The following DAB1 variants were observed in gnomAD, a reference collection of about 807,000 sequenced individuals.
DAB1 encodes the protein disabled homolog 1.
In DAB1, 15 loss-of-function variants were observed where a neutral mutation model predicts 64.6. The observed-to-expected ratio is 0.23, with a 90% CI of 0.16 to 0.36. DAB1 has a LOEUF of 0.36. Among genes scored for constraint, DAB1 ranks in the 10% least tolerant of loss-of-function variants. The probability of loss-of-function intolerance (pLI) is 1.00; values close to 1 mark genes in which losing one functional copy is unlikely to be tolerated. For missense variants in DAB1, 596 were observed against 706.7 expected, an observed-to-expected ratio of 0.84 and a Z score of 1.78; for synonymous variants, 235 against 251.9, an observed-to-expected ratio of 0.93 and a Z score of 0.64.
chr1:57,362,274 G>A (rs771517397), intron 1 of DAB1, among the ~76,000 whole-genome samples: 11 of 152,126 alleles, frequency 7.2e-5, no homozygotes, highest in Non-Finnish European at 1.2e-4. Flanking sequence ...ATTAAGCCAT[G>A]TGGAGTCCTT....
At chr1:57,167,823 T>G (rs7533282) in intron 2 of DAB1, among the ~76,000 whole-genome samples, 28,113 of 152,142 alleles carry the variant, frequency 0.18, 4,190 homozygotes, top group African/African-American at 0.41. Context: ...CTCAGCATAT[T>G]GTGCAGTGAC....
intron 2 of DAB1, among the ~76,000 whole-genome samples, chr1:57,202,685 T>A (rs536993237): frequency 2.0e-5 from 3 of 152,322 alleles, no homozygotes; most frequent in African/African-American, 7.2e-5. Context: ...CATTTTCACA[T>A]CCATCCATTA....
chr1:58,295,889 G>A (rs1398037520), intron 4 of DAB1, among the ~76,000 whole-genome samples: 2 of 151,808 alleles, frequency 1.3e-5, no homozygotes, highest in South Asian at 4.2e-4. Context: ...TCAGGGGGTC[G>A]AGACCAGCCT....
At chr1:57,872,747 G>A (rs146348779) in intron 1 of DAB1, among the ~76,000 whole-genome samples, 2 of 152,214 alleles carry the variant, frequency 1.3e-5, no homozygotes, top group Non-Finnish European at 2.9e-5. Flanking sequence ...CCTCACTGAC[G>A]GGAGTGTGAA....
At chr1:58,229,503 A>G (rs1413800224) in intron 4 of DAB1, among the ~76,000 whole-genome samples, 1 of 152,178 alleles carries the variant, frequency 6.6e-6, no homozygotes, top group Non-Finnish European at 1.5e-5. Flanking sequence ...AGGACCTCAC[A>G]GAGTGATAAG....
intron 3 of DAB1, among the ~76,000 whole-genome samples, chr1:58,362,212 C>A (rs1012391561): frequency 1.3e-5 from 2 of 152,120 alleles, no homozygotes; most frequent in Non-Finnish European, 2.9e-5. Context: ...TATTTAAATT[C>A]CCTGGCCCTG....
At chr1:58,124,161 G>C (rs907084114) in intron 5 of DAB1, among the ~76,000 whole-genome samples, 2 of 151,254 alleles carry the variant, frequency 1.3e-5, no homozygotes, top group Admixed American at 1.3e-4. Context: ...GAATAAAATA[G>C]TTGCTATCAG....
chr1:57,668,551 G>T (rs1447364544), intron 6 of DAB1, among the ~76,000 whole-genome samples: 1 of 152,112 alleles, frequency 6.6e-6, no homozygotes, highest in Non-Finnish European at 1.5e-5. Flanking sequence ...TAAATCTTAA[G>T]TGGGGGAGTG....
chr1:58,426,227 G>A (rs1395853555), intron 3 of DAB1, among the ~76,000 whole-genome samples: 2 of 152,156 alleles, frequency 1.3e-5, no homozygotes, highest in African/African-American at 2.4e-5. Flanking sequence ...GACTCAGACA[G>A]TTTCTTGATC....
At chr1:58,431,989 A>C (rs1013475678) in intron 3 of DAB1, among the ~76,000 whole-genome samples, 15 of 152,212 alleles carry the variant, frequency 9.9e-5, no homozygotes, top group African/African-American at 3.4e-4. Flanking sequence ...GCTTGAACAT[A>C]GATTTCTCAG....
intron 5 of DAB1, among the ~76,000 whole-genome samples, chr1:58,052,911 A>G (rs1205053081): frequency 6.6e-6 from 1 of 152,202 alleles, no homozygotes; most frequent in Non-Finnish European, 1.5e-5. Context: ...TAGTGCCAAC[A>G]TCTGCTTTTG....
chr1:57,733,706 T>C (rs1647545413), intron 6 of DAB1, among the ~76,000 whole-genome samples: 2 of 151,998 alleles, frequency 1.3e-5, no homozygotes, highest in South Asian at 4.2e-4. Flanking sequence ...AATGTTAACA[T>C]AGAGGAAGCC....
rs117516541 is a variant in DAB1, at chr1:58,211,887, C to T, written n.310-61299G>A. Among the ~76,000 whole-genome samples, 145 of 152,214 alleles carry T rather than the reference C, an allele frequency of 9.5e-4. 1 individual carries two copies. In the East Asian group the frequency reaches 0.025, roughly 26 times the overall value. ...TGCCTGCAACAGACACATAAGAAAT[C>T]GTTTTCAGACGCTCTGTCCTTGGGG... On this transcript the variant is annotated intron_variant and non_coding_transcript_variant, in intron 4 of 20. Transcript: ENST00000485760.
At chr1:57,079,118 A>G (rs1372769349) in intron 4 of DAB1, among the ~76,000 whole-genome samples, 4 of 152,194 alleles carry the variant, frequency 2.6e-5, no homozygotes, top group African/African-American at 9.6e-5. Context: ...TTTTGAAAAA[A>G]TGTACACATA....
At chr1:57,443,693 C>T (rs1409351932) in intron 7 of DAB1, among the ~76,000 whole-genome samples, 2 of 152,202 alleles carry the variant, frequency 1.3e-5, no homozygotes, top group Non-Finnish European at 2.9e-5. Context: ...AAGCTTCCCT[C>T]TGCTTCATTC....
rs143995488 is a variant in DAB1 at position 56,996,551 on chromosome 1, G to C, written c.*1593C>G. 3 of 152,352 alleles carry C rather than the reference G, an allele frequency of 2.0e-5. No homozygotes were observed. Among genetic ancestry groups the C allele is most frequent in the Non-Finnish European group, 4.4e-5 (3 of 68,048 alleles). The allele number at this position is 152,352 out of a possible 1,614,324, so 9.4% of individuals were successfully genotyped here. On this transcript the variant is annotated 3_prime_UTR_variant, in exon 15 of 15. Coordinates refer to ENST00000371236, the MANE Select transcript of DAB1 (RefSeq NM_001365792.1). ...AAACAGTCCAGTGATTTATATCGGGGGTAGGTGGGAGTGGGGAGGTGGGAG... is the reference window on the plus strand; with the variant it reads ...AAACAGTCCAGTGATTTATATCGGGCGTAGGTGGGAGTGGGGAGGTGGGAG...
chr1:57,850,443 G>A (rs1653468102), intron 1 of DAB1, among the ~76,000 whole-genome samples: 1 of 135,420 alleles, frequency 7.4e-6, no homozygotes, highest in Non-Finnish European at 1.6e-5. Flanking sequence ...TGTAACTTCA[G>A]ATAATGTAGT....
intron 7 of DAB1, among the ~76,000 whole-genome samples, chr1:57,550,258 A>C (rs892838473): frequency 6.6e-6 from 1 of 152,198 alleles, no homozygotes; most frequent in Non-Finnish European, 1.5e-5. Context: ...TCAGTATTGC[A>C]TGCCATTCAC....
intron 6 of DAB1, among the ~76,000 whole-genome samples, chr1:57,685,656 G>A (rs745637622): frequency 3.5e-4 from 53 of 152,024 alleles, no homozygotes; most frequent in Admixed American, 2.6e-4. Context: ...CCACAAACTT[G>A]GTCATAAAGC....
Sources: allele counts gnomAD v4.1 joint callset (sites outside exome capture counted in the v4.1 genomes callset), GRCh38; gene constraint gnomAD v4.1.1; transcripts MANE v1.5; gene names NCBI Gene and HGNC (gene_info 2026-07-23, HGNC 2026-07-21).